The following ZNF211 variants were observed in gnomAD, a reference collection of about 807,000 sequenced individuals.
ZNF211 encodes zinc finger protein C2H2-25.
ZNF211 carries 18 observed loss-of-function variants against 12.1 expected under a neutral mutation model. The ratio of observed to expected loss-of-function variants is 1.48; its 90% CI spans 1.03 to 2.20. The LOEUF (loss-of-function observed/expected upper bound fraction) is 2.20. Ranked by LOEUF, ZNF211 falls within the 30% of genes most tolerant of loss-of-function variation. ZNF211 has a pLI of 0.00. For missense variants in ZNF211, 677 were observed against 703.1 expected (o/e 0.96, Z 0.42); for synonymous variants, 249 against 246.0 (o/e 1.01, Z -0.11).
In ZNF211 at chr19:57,633,283, G is replaced by C; in HGVS notation, c.-64G>C. 7.1e-7 allele frequency: 1 copy of C among 1,413,232 alleles called. No homozygotes were observed. Among genetic ancestry groups the C allele is most frequent in the Non-Finnish European group, 9.4e-7 (1 of 1,063,120 alleles). The allele number at this position is 1,413,232 out of a possible 1,614,324, so 87.5% of individuals were successfully genotyped here. A position where few individuals can be genotyped will look rare whatever the true frequency, so the allele number is the denominator to read the frequency against. Reference sequence around the variant, plus strand: ...CGGGATCGAAGTGACGGACCGTGAAGGCGCGAGAGTCAGGTCTGAGGGTCG... The same window carrying C: ...CGGGATCGAAGTGACGGACCGTGAACGCGCGAGAGTCAGGTCTGAGGGTCG... On this transcript the variant is annotated 5_prime_UTR_variant, in exon 1 of 4. Coordinates refer to ENST00000240731, the MANE Select transcript of ZNF211 (RefSeq NM_006385.5).
rs1358459381 is a variant in ZNF211, at chr19:57,633,543, T to A, written c.90+107T>A. On this transcript the variant is annotated intron_variant, in intron 1 of 3. Transcript: ENST00000240731. ...ACAGGGTCGGGGACACTGAGGCTCG[T>A]GGGTGGGGCCCCTATTTCTGACATC... The A allele has an allele frequency of 2.7e-6, 4 of 1,493,978 alleles. No individual in the cohort carries two copies. In the African/African-American group the frequency reaches 5.6e-5, roughly 21 times the overall value. 92.5% of individuals were successfully genotyped at this position (1,493,978 alleles called of 1,614,324 possible).
At chr19:57,636,381 C>T (rs1187896248) in intron 3 of ZNF211, among the ~76,000 whole-genome samples, 1 of 152,110 alleles carries the variant, frequency 6.6e-6, no homozygotes, top group Non-Finnish European at 1.5e-5. Context: ...ACATTCAGAT[C>T]TTTGATCTGT....
intron 3 of ZNF211, among the ~76,000 whole-genome samples, chr19:57,637,699 T>G (rs1325558065): frequency 1.3e-5 from 2 of 152,210 alleles, no homozygotes; most frequent in Non-Finnish European, 2.9e-5. Context: ...GATATTGGTC[T>G]GTAGTTTTAT....
rs1181576490 is a variant in ZNF211, at chr19:57,640,736, CCTT to C, written c.292_294del (p.Ser98del). 2 of 1,614,036 alleles carry C rather than the reference CCTT, an allele frequency of 1.2e-6. No individual in the cohort carries two copies. Among genetic ancestry groups the C allele is most frequent in the African/African-American group, 2.7e-5 (2 of 74,922 alleles). ...GTGTGGAGTGGAACATGAGGAAACA[CCTT>C]CTGAACAGAGAATTTCTGGAGAAAG... On this transcript the variant is annotated inframe_deletion, in exon 4 of 4. Coordinates refer to ENST00000240731, the MANE Select transcript of ZNF211 (RefSeq NM_006385.5).
rs1983152356 is a variant in ZNF211, at chr19:57,642,938, A to G, written c.*757A>G. Among the ~76,000 whole-genome samples the G allele has an allele frequency of 6.6e-6, 1 of 152,104 alleles. No homozygotes were observed. The highest frequency in any genetic ancestry group is 6.5e-5 in the Admixed American group (1 of 15,274). On this transcript the variant is annotated 3_prime_UTR_variant, in exon 4 of 4. Coordinates refer to ENST00000240731, the MANE Select transcript of ZNF211 (RefSeq NM_006385.5). ...TCTTTCCAGCTTTGGCCTAATCTGA[A>G]TTTGAATTATTGCCCAAGGCCTTCT...
intron 1 of ZNF211, 118 bp from the exon 2 acceptor site, chr19:57,633,905 G>A: frequency 6.2e-7 from 1 of 1,609,174 alleles, no homozygotes; most frequent in Non-Finnish European, 8.5e-7. Context: ...GAGGCGCACA[G>A]GTTAGACAGT....
chr19:57,640,874 G>C lies in ZNF211; in HGVS notation c.427G>C (p.Gly143Arg), dbSNP rs1267398842. The C allele has an allele frequency of 1.9e-6, 3 of 1,614,192 alleles. No individual in the cohort carries two copies. The Admixed American group carries it at 5.0e-5, about 27-fold the overall frequency. ...RDILHLAEHQ[G>R]TNCGQKLHTC... ...TATTTTGCACTTGGCTGAACACCAA[G>C]GAACAAACTGCGGGCAGAAACTACA... Residue 143 changes from glycine (G) to arginine (R), a missense_variant, in exon 4 of 4, where the codon GGA (glycine) becomes CGA (arginine). By Grantham distance (125) the Gly-to-Arg change is moderately radical (BLOSUM62 -2). Coordinates refer to ENST00000240731, the MANE Select transcript of ZNF211 (RefSeq NM_006385.5).
In ZNF211 at chr19:57,633,233, T is replaced by C; in HGVS notation, c.-114T>C. On this transcript the variant is annotated 5_prime_UTR_variant, in exon 1 of 4. Transcript: ENST00000240731. The stretch of plus-strand genomic sequence containing the variant: ...TGCCCTCCCGGAGGTCCGTTCTGTC[T>C]GTCAGCCGCTTTGGTACGCTGCATC... 1 of 1,099,754 alleles carries C rather than the reference T, an allele frequency of 9.1e-7. No individual in the cohort carries two copies. The highest frequency in any genetic ancestry group is 1.2e-6 in the Non-Finnish European group (1 of 806,372). 68.1% of individuals were successfully genotyped at this position (1,099,754 alleles called of 1,614,324 possible).
At chr19:57,634,389 G>A (rs1412825309) in intron 2 of ZNF211, 2 of 482,728 alleles carry the variant, frequency 4.1e-6, no homozygotes. Context: ...TTGTGAGGAA[G>A]TTGGAGTTTG....
rs1599978615 is a variant in ZNF211, at chr19:57,642,325, C to T, written c.*144C>T. On this transcript the variant is annotated 3_prime_UTR_variant, in exon 4 of 4. Transcript: ENST00000240731. ...CCCCTTAAGTTCCAGGTATGTGTTACACTTTCTAACATGCCATTTAGAAAG... is the reference window on the plus strand; with the variant it reads ...CCCCTTAAGTTCCAGGTATGTGTTATACTTTCTAACATGCCATTTAGAAAG... The T allele has an allele frequency of 1.3e-5, 11 of 872,918 alleles. No individual in the cohort carries two copies. Among genetic ancestry groups the T allele is most frequent in the South Asian group, 7.8e-5 (4 of 51,522 alleles). The allele number at this position is 872,918 out of a possible 1,614,324, so 54.1% of individuals were successfully genotyped here.
At chr19:57,633,495 G>A in intron 1 of ZNF211, 59 bp downstream of exon 1, 1 of 1,530,476 alleles carries the variant, frequency 6.5e-7, no homozygotes, top group Non-Finnish European at 8.7e-7. Context: ...CAAGTGAGAG[G>A]CACCAGCTCA....
Position 57,641,163 on chromosome 19 carries a change from A to C in ZNF211, c.716A>C (p.Lys239Thr). 1 of 1,614,230 alleles carries C rather than the reference A, an allele frequency of 6.2e-7. No individual in the cohort carries two copies. The highest frequency in any genetic ancestry group is 8.5e-7 in the Non-Finnish European group (1 of 1,180,044). ...NKCAVAFYSG[K>T]SHHNWGKCSK... ...TGTGCGGTGGCCTTTTACAGTGGAA[A>C]AAGTCATCACAACTGGGGAAAATGC... The change falls in exon 4 of 4, where the codon AAA becomes ACA. Residue 239 changes from lysine (K) to threonine (T), a missense_variant. Lys to Thr is a moderately conservative substitution (Grantham distance 78). Transcript: ENST00000240731.
chr19:57,641,239 C>T lies in ZNF211; in HGVS notation c.792C>T (p.Leu264=), dbSNP rs774803100. 4 of 1,614,136 alleles carry T rather than the reference C, an allele frequency of 2.5e-6. No homozygotes were observed. Among genetic ancestry groups the T allele is most frequent in the Non-Finnish European group, 3.4e-6 (4 of 1,180,060 alleles). The change falls in exon 4 of 4, where the codon CTC becomes CTT. Residue 264 remains leucine, a synonymous_variant. Coordinates refer to ENST00000240731, the MANE Select transcript of ZNF211 (RefSeq NM_006385.5). ...IDTLVQDQRI[L]TREGLFECSK... ...CACTTGTTCAGGACCAGAGAATCCT[C>T]ACTAGAGAAGGACTTTTTGAGTGCA...
intron 3 of ZNF211, chr19:57,634,966 A>C: frequency 4.1e-6 from 4 of 985,388 alleles, no homozygotes; most frequent in Non-Finnish European, 4.8e-6. Flanking sequence ...GTAGTCTTAC[A>C]GTAAGCCTAA....
chr19:57,640,005 C>T, intron 3 of ZNF211: 5 of 1,535,972 alleles, frequency 3.3e-6, no homozygotes, highest in Non-Finnish European at 4.4e-6. Context: ...CCAGCCTCAG[C>T]AAGATGGGAT....
chr19:57,633,629 C>T (rs1981731034), intron 1 of ZNF211, 193 bp downstream of exon 1: 1 of 1,533,042 alleles, frequency 6.5e-7, no homozygotes, highest in South Asian at 1.2e-5. Context: ...GGACGGGCAA[C>T]CGAGAAGGGG....
intron 2 of ZNF211, 42 bp downstream of exon 2, chr19:57,634,103 C>T (rs747834491): frequency 4.0e-6 from 6 of 1,514,872 alleles, no homozygotes; most frequent in Non-Finnish European, 4.4e-6. Context: ...CTGGAATGTC[C>T]CTCCACCCTC....
At chr19:57,639,989 A>C in intron 3 of ZNF211, 2 of 1,536,008 alleles carry the variant, frequency 1.3e-6, no homozygotes, top group Non-Finnish European at 1.7e-6. Context: ...CAGGATGTTC[A>C]TGACTCCAGC....
chr19:57,635,532 A>C (rs1029307104), intron 3 of ZNF211, among the ~76,000 whole-genome samples: 1 of 152,212 alleles, frequency 6.6e-6, no homozygotes, highest in African/African-American at 2.4e-5. Context: ...ACTTAGCATA[A>C]TATCTTCAAG....
Sources: allele counts gnomAD v4.1 joint callset (sites outside exome capture counted in the v4.1 genomes callset), GRCh38; gene constraint gnomAD v4.1.1; transcripts MANE v1.5; gene names NCBI Gene and HGNC (gene_info 2026-07-23, HGNC 2026-07-21).